The following IGFBP7 variants were observed in gnomAD, a reference collection of about 807,000 sequenced individuals.
IGFBP7 encodes insulin-like growth factor-binding protein 7.
A neutral mutation model predicts 29.4 loss-of-function variants in IGFBP7; 31 were observed. The ratio of observed to expected loss-of-function variants is 1.05; its 90% CI spans 0.79 to 1.42. The LOEUF (loss-of-function observed/expected upper bound fraction) is 1.42, where lower values mean the gene tolerates loss of function less well. IGFBP7 is among the 40% of genes most tolerant of loss of function. The pLI is 0.00. For missense variants in IGFBP7, 393 were observed against 395.5 expected (o/e 0.99, Z 0.05); for synonymous variants, 172 against 174.9 (o/e 0.98, Z 0.13).
At chr4:57,080,203 G>C (rs957357769) in intron 1 of IGFBP7, among the ~76,000 whole-genome samples, 1 of 152,190 alleles carries the variant, frequency 6.6e-6, no homozygotes, top group African/African-American at 2.4e-5. Context: ...TGAGATTTCT[G>C]AAGACTGGAT....
chr4:57,085,967 C>T (rs1020998714), intron 1 of IGFBP7, among the ~76,000 whole-genome samples: 15 of 152,072 alleles, frequency 9.9e-5, no homozygotes, highest in South Asian at 2.1e-4. Flanking sequence ...GGTGAAGGGC[C>T]CTGTCCTGGA....
At chr4:57,060,597 A>T (rs1487075743) in intron 1 of IGFBP7, among the ~76,000 whole-genome samples, 2 of 152,098 alleles carry the variant, frequency 1.3e-5, no homozygotes, top group Non-Finnish European at 2.9e-5. Flanking sequence ...CTTCTGCTTT[A>T]ATGTTTAACT....
intron 1 of IGFBP7, among the ~76,000 whole-genome samples, chr4:57,081,485 G>A (rs928534054): frequency 1.3e-5 from 2 of 152,044 alleles, no homozygotes; most frequent in Admixed American, 6.6e-5. Flanking sequence ...GTCTGGACTT[G>A]TAAATTCTCT....
At chr4:57,066,059 C>A (rs1432033268) in intron 1 of IGFBP7, among the ~76,000 whole-genome samples, 1 of 152,148 alleles carries the variant, frequency 6.6e-6, no homozygotes, top group Admixed American at 6.6e-5. Context: ...AAGGTCCCAT[C>A]CACCCTTCTG....
intron 1 of IGFBP7, among the ~76,000 whole-genome samples, chr4:57,087,466 T>C (rs1452820761): frequency 6.6e-6 from 1 of 152,250 alleles, no homozygotes; most frequent in Non-Finnish European, 1.5e-5. Context: ...AAATTTGTTG[T>C]AGCAGATTCC....
chr4:57,062,828 T>C lies in IGFBP7; in HGVS notation c.476-21895A>G, dbSNP rs572287446. On this transcript the variant is annotated intron_variant, in intron 1 of 4. Coordinates refer to ENST00000295666, the MANE Select transcript of IGFBP7 (RefSeq NM_001553.3). ...TGGGTAGAGTCCAGCAATCCTTCTA[T>C]TAGAGAAAATGTTTTCTCTCTGGGA... Among the ~76,000 whole-genome samples, 36 of 152,350 alleles carry C rather than the reference T, an allele frequency of 2.4e-4. 1 individual carries two copies. The East Asian group carries it at 6.7e-3, about 29-fold the overall frequency.
chr4:57,086,357 C>T (rs1220800145), intron 1 of IGFBP7, among the ~76,000 whole-genome samples: 3 of 152,168 alleles, frequency 2.0e-5, no homozygotes, highest in African/African-American at 7.2e-5. Flanking sequence ...GGAGCCCCGG[C>T]TGGGGGTTTT....
At chr4:57,032,645 A>T in intron 3 of IGFBP7, 93 bp from the exon 4 acceptor site, 1 of 1,013,458 alleles carries the variant, frequency 9.9e-7, no homozygotes, top group African/African-American at 1.6e-5. Flanking sequence ...ATTTCCTAAG[A>T]TGACCAGGGG....
chr4:57,046,283 T>C lies in IGFBP7; in HGVS notation c.476-5350A>G, dbSNP rs927150856. Among the ~76,000 whole-genome samples, 9 of 152,166 alleles carry C rather than the reference T, an allele frequency of 5.9e-5. No individual in the cohort carries two copies. The East Asian group carries it at 1.7e-3, about 30-fold the overall frequency. ...TGATCAGCAATTTCACTGCCAACAATCATCTTGAATTGCAGGTCTGTCCTG... is the reference window on the plus strand; with the variant it reads ...TGATCAGCAATTTCACTGCCAACAACCATCTTGAATTGCAGGTCTGTCCTG... On this transcript the variant is annotated intron_variant, in intron 1 of 4. Coordinates refer to ENST00000295666, the MANE Select transcript of IGFBP7 (RefSeq NM_001553.3).
At position 57,084,788 on chromosome 4, in the gene IGFBP7, GTTTTTTTTTT is replaced by G. The variant is rs57704332; in HGVS notation, c.475+25079_475+25088del. ...CTTTTTACTCAGATGTTTAAAAAAG[GTTTTTTTTTT>G]TTTTTTTTTTGGGACAAGGTCTCAC... On this transcript the variant is annotated intron_variant, in intron 1 of 4. Transcript: ENST00000295666. Among the ~76,000 whole-genome samples, 7 of 113,104 alleles carry G rather than the reference GTTTTTTTTTT, an allele frequency of 6.2e-5. 1 individual carries two copies. Among genetic ancestry groups the G allele is most frequent in the African/African-American group, 2.4e-4 (7 of 29,114 alleles). The allele number at this position is 113,104 out of a possible 152,430, so 74.2% of individuals were successfully genotyped here.
chr4:57,088,319 T>C (rs1244400875), intron 1 of IGFBP7, among the ~76,000 whole-genome samples: 2 of 152,138 alleles, frequency 1.3e-5, no homozygotes, highest in East Asian at 3.9e-4. Flanking sequence ...CTGAAAAGCA[T>C]GGTGATGTAA....
chr4:57,090,347 T>C (rs141805879), intron 1 of IGFBP7, among the ~76,000 whole-genome samples: 174 of 152,322 alleles, frequency 1.1e-3, no homozygotes, highest in African/African-American at 3.8e-3. Flanking sequence ...GGCTTTCTAG[T>C]TCTTATGATA....
chr4:57,057,770 C>T (rs1724708789), intron 1 of IGFBP7, among the ~76,000 whole-genome samples: 1 of 152,136 alleles, frequency 6.6e-6, no homozygotes, highest in Admixed American at 6.6e-5. Context: ...AGACTTCAAG[C>T]ACTAAGACAA....
At chr4:57,084,883 T>C (rs1021743092) in intron 1 of IGFBP7, among the ~76,000 whole-genome samples, 18 of 143,474 alleles carry the variant, frequency 1.3e-4, no homozygotes, top group African/African-American at 3.8e-4. Flanking sequence ...CTCAGACTCC[T>C]GGGCTCAGTT....
intron 1 of IGFBP7, among the ~76,000 whole-genome samples, chr4:57,048,641 C>G (rs1200838558): frequency 6.6e-6 from 1 of 152,114 alleles, no homozygotes; most frequent in Non-Finnish European, 1.5e-5. Context: ...TATATAAAGT[C>G]TTGGTAGTGA....
chr4:57,090,169 T>A (rs1409886878), intron 1 of IGFBP7, among the ~76,000 whole-genome samples: 1 of 152,196 alleles, frequency 6.6e-6, no homozygotes, highest in Non-Finnish European at 1.5e-5. Context: ...TGGTCATCAT[T>A]CTTCTCTTCC....
At chr4:57,087,478 T>C (rs527735661) in intron 1 of IGFBP7, among the ~76,000 whole-genome samples, 1 of 152,362 alleles carries the variant, frequency 6.6e-6, no homozygotes, top group South Asian at 2.1e-4. Flanking sequence ...GCAGATTCCT[T>C]ACTAACTGTT....
chr4:57,110,229 C>A lies in IGFBP7; in HGVS notation c.123G>T (p.Pro41=), dbSNP rs1420744728. 2 of 1,378,820 alleles carry A rather than the reference C, an allele frequency of 1.5e-6. No homozygotes were observed. Among genetic ancestry groups the A allele is most frequent in the Non-Finnish European group, 9.3e-7 (1 of 1,070,006 alleles). 85.4% of individuals were successfully genotyped at this position (1,378,820 alleles called of 1,614,324 possible). A position where few individuals can be genotyped will look rare whatever the true frequency, so the allele number is the denominator to read the frequency against. ...GCAGGCAGCCCAGCGGGGGCAGGGG[C>A]GGGCAGGAGGCCGGCTCGCAGGGGC... ...TCGPCEPASC[P]PLPPLGCLLG... is the part of the protein sequence containing the mutation. The change falls in exon 1 of 5, where the codon CCG becomes CCT. Residue 41 remains proline, a synonymous_variant. Coordinates refer to ENST00000295666, the MANE Select transcript of IGFBP7 (RefSeq NM_001553.3).
intron 2 of IGFBP7, among the ~76,000 whole-genome samples, chr4:57,038,232 C>T (rs1181861339): frequency 6.6e-6 from 1 of 152,200 alleles, no homozygotes; most frequent in East Asian, 1.9e-4. Flanking sequence ...TTGAGCCCTT[C>T]GTGGGATTTT....
Sources: allele counts gnomAD v4.1 joint callset (sites outside exome capture counted in the v4.1 genomes callset), GRCh38; gene constraint gnomAD v4.1.1; transcripts MANE v1.5; gene names NCBI Gene and HGNC (gene_info 2026-07-23, HGNC 2026-07-21).